Variants in RAB38 observed in about 807,000 individuals in gnomAD.
The protein encoded by RAB38 is ras-related protein Rab-38.
In RAB38, 15 loss-of-function variants were observed where a neutral mutation model predicts 18.4. The ratio of observed to expected loss-of-function variants is 0.82; its 90% CI spans 0.55 to 1.26. The LOEUF is 1.26. Among genes scored for constraint, RAB38 ranks in the 50% most tolerant of loss-of-function variants. RAB38 has a pLI of 0.00. For synonymous variants in RAB38, 101 were observed against 104.4 expected, an observed-to-expected ratio of 0.97 and a Z score of 0.20; for missense variants, 294 against 267.4, an observed-to-expected ratio of 1.10 and a Z score of -0.69.
the RAB38 span, among the ~76,000 whole-genome samples, chr11:88,069,876 T>C: frequency 4.4e-4 from 67 of 152,230 alleles, no homozygotes; most frequent in South Asian, 2.7e-3. Context: ...AGCTAGAGGA[T>C]TGTAAATACA....
the RAB38 span, among the ~76,000 whole-genome samples, chr11:87,869,694 C>T: frequency 1.3e-5 from 2 of 151,564 alleles, no homozygotes; most frequent in South Asian, 2.1e-4. Flanking sequence ...CCAATAATAA[C>T]ATTGTAATTG....
chr11:87,805,734 C>T, the RAB38 span, among the ~76,000 whole-genome samples: 1 of 151,816 alleles, frequency 6.6e-6, no homozygotes, highest in Non-Finnish European at 1.5e-5. Context: ...TATATACACA[C>T]ACATACATAT....
the RAB38 span, among the ~76,000 whole-genome samples, chr11:88,013,272 T>C: frequency 6.6e-6 from 1 of 152,164 alleles, no homozygotes; most frequent in Non-Finnish European, 1.5e-5. Context: ...TTGATATTAA[T>C]TGTCTTGCTT....
the RAB38 span, among the ~76,000 whole-genome samples, chr11:87,955,310 A>C: frequency 6.6e-6 from 1 of 152,196 alleles, no homozygotes; most frequent in Non-Finnish European, 1.5e-5. Flanking sequence ...ATTTATCAAA[A>C]TTTCAGTTCC....
At chr11:87,900,820 A>C in the RAB38 span, among the ~76,000 whole-genome samples, 6 of 151,422 alleles carry the variant, frequency 4.0e-5, no homozygotes, top group East Asian at 1.2e-3. Flanking sequence ...GCAAAAAAGG[A>C]AAGAAATGAA....
At chr11:88,033,500 T>C in the RAB38 span, among the ~76,000 whole-genome samples, 11 of 152,296 alleles carry the variant, frequency 7.2e-5, no homozygotes, top group South Asian at 2.1e-3. Context: ...TTATATATCA[T>C]TGGCTTTGAT....
the RAB38 span, among the ~76,000 whole-genome samples, chr11:87,866,429 A>T: frequency 0.06 from 9,050 of 151,726 alleles, 375 homozygotes; most frequent in Admixed American, 0.088. Flanking sequence ...TTCTCTTTAT[A>T]AACATGTTTA....
At chr11:88,004,121 C>T in the RAB38 span, among the ~76,000 whole-genome samples, 1 of 146,380 alleles carries the variant, frequency 6.8e-6, no homozygotes, top group African/African-American at 2.5e-5. Flanking sequence ...CTCGTTTTAG[C>T]AGTTATTAAA....
the RAB38 span, among the ~76,000 whole-genome samples, chr11:88,071,660 T>G: frequency 6.6e-6 from 1 of 152,184 alleles, no homozygotes; most frequent in Non-Finnish European, 1.5e-5. Context: ...GACTTGATAA[T>G]GACCAATCAA....
At chr11:87,873,653 C>A in the RAB38 span, among the ~76,000 whole-genome samples, 1 of 151,290 alleles carries the variant, frequency 6.6e-6, no homozygotes, top group African/African-American at 2.4e-5. Context: ...AAGTCTGTGT[C>A]TAGATTTTGT....
At chr11:87,872,930 T>C in the RAB38 span, among the ~76,000 whole-genome samples, 1 of 151,642 alleles carries the variant, frequency 6.6e-6, no homozygotes, top group East Asian at 1.9e-4. Flanking sequence ...TATGTGTGAC[T>C]TGTGTATGGA....
chr11:88,064,744 T>C, the RAB38 span, among the ~76,000 whole-genome samples: 1 of 152,378 alleles, frequency 6.6e-6, no homozygotes, highest in East Asian at 1.9e-4. Context: ...GAAATTTTCT[T>C]TGTATTGACA....
the RAB38 span, among the ~76,000 whole-genome samples, chr11:87,955,686 C>A: frequency 6.7e-6 from 1 of 148,724 alleles, no homozygotes; most frequent in Non-Finnish European, 1.5e-5. Context: ...ATCAATCAAT[C>A]TTTCTATCAT....
the RAB38 span, among the ~76,000 whole-genome samples, chr11:87,925,351 T>C: frequency 3.3e-5 from 5 of 152,210 alleles, no homozygotes; most frequent in Non-Finnish European, 5.9e-5. Flanking sequence ...TCTACGAATA[T>C]TTACCAAGTA....
chr11:88,043,814 T>A, the RAB38 span, among the ~76,000 whole-genome samples: 1 of 152,192 alleles, frequency 6.6e-6, no homozygotes, highest in African/African-American at 2.4e-5. Context: ...TTTGGCGCCA[T>A]GGCTGGGATC....
At chr11:87,977,307 T>A in the RAB38 span, among the ~76,000 whole-genome samples, 61 of 130,838 alleles carry the variant, frequency 4.7e-4, 5 homozygotes, top group African/African-American at 1.6e-3. Context: ...AAGTATATTA[T>A]AAAATATAAT....
the RAB38 span, among the ~76,000 whole-genome samples, chr11:87,955,740 G>A: frequency 4.2e-4 from 64 of 152,056 alleles, no homozygotes; most frequent in African/African-American, 1.5e-3. Context: ...GGCTTCAGAT[G>A]ACCCCTGTCA....
chr11:88,042,258 A>G, the RAB38 span, among the ~76,000 whole-genome samples: 1 of 152,266 alleles, frequency 6.6e-6, no homozygotes, highest in South Asian at 2.1e-4. Flanking sequence ...CATGGGAGAT[A>G]GCCCCCACCT....
the RAB38 span, among the ~76,000 whole-genome samples, chr11:87,865,264 A>G: frequency 1.3e-5 from 2 of 151,776 alleles, no homozygotes; most frequent in African/African-American, 4.8e-5. Context: ...GATTAAAGTA[A>G]GGATCTTGAA....
Sources: gnomAD v4.1 joint callset for allele counts (sites outside exome capture counted in the v4.1 genomes callset) on GRCh38, gnomAD v4.1.1 for gene constraint, MANE v1.5 for transcripts, NCBI Gene and HGNC (gene_info 2026-07-23, HGNC 2026-07-21) for gene names.